The following RHPN1 variants were observed in gnomAD, a reference collection of about 807,000 sequenced individuals.
RHPN1 encodes the protein rhophilin-1.
RHPN1 carries 77 observed loss-of-function variants against 74.7 expected under a neutral mutation model. The observed-to-expected ratio is 1.03, with a 90% CI of 0.86 to 1.25. RHPN1 has a LOEUF of 1.25. Among genes scored for constraint, RHPN1 ranks in the 50% most tolerant of loss-of-function variants. The pLI, the probability that RHPN1 is intolerant of heterozygous loss-of-function variation, is 0.00. For missense variants in RHPN1, 987 were observed against 932.2 expected (o/e 1.06, Z -0.77); for synonymous variants, 444 against 414.5 (o/e 1.07, Z -0.87).
chr8:143,367,615 C>T (rs1176881358), upstream of RHPN1: 1 of 152,244 alleles, frequency 6.6e-6, no homozygotes, highest in Non-Finnish European at 1.5e-5. Flanking sequence ...GACCACGGAG[C>T]TTAGCCTTCA....
In RHPN1 at chr8:143,380,728, G is replaced by A. The variant is rs200651687; in HGVS notation, c.1356G>A (p.Ala452=). 2.4e-4 allele frequency: 378 copies of A among 1,595,526 alleles called. 1 individual carries two copies. The African/African-American group carries it at 4.3e-3, about 18-fold the overall frequency. Residue 452 remains alanine, a synonymous_variant, in exon 11 of 15, where the codon GCG becomes GCA. Transcript: ENST00000289013. The part of the protein sequence containing the change: ...QTLQRSLAKY[A]ELDREDDFCE... ...TGCAGCGCTCACTGGCCAAGTATGC[G>A]GAGCTCGACCGTGAGGATGACTTCT...
At chr8:143,370,813 G>A (rs766258560) in intron 1 of RHPN1, among the ~76,000 whole-genome samples, 1 of 152,234 alleles carries the variant, frequency 6.6e-6, no homozygotes, top group African/African-American at 2.4e-5. Context: ...AGGGGCTCCC[G>A]GGGGAGGACC....
intron 1 of RHPN1, among the ~76,000 whole-genome samples, chr8:143,369,495 A>G (rs1482286170): frequency 1.3e-5 from 2 of 152,184 alleles, no homozygotes; most frequent in South Asian, 2.1e-4. Context: ...CCTCCTGGGT[A>G]TGGGAAACCG....
upstream of RHPN1, chr8:143,368,344 A>G (rs1817608081): frequency 6.5e-6 from 1 of 153,426 alleles, no homozygotes; most frequent in Non-Finnish European, 1.5e-5. Context: ...GAAAGCAGGC[A>G]TTGTCGGAGG....
intron 1 of RHPN1, among the ~76,000 whole-genome samples, chr8:143,369,297 G>A (rs1201140673): frequency 3.9e-5 from 6 of 152,330 alleles, no homozygotes; most frequent in African/African-American, 1.2e-4. Context: ...AGCGGGTTGG[G>A]GGGACGCCCT....
chr8:143,369,136 C>T, intron 1 of RHPN1, 89 bp downstream of exon 1: 4 of 994,096 alleles, frequency 4.0e-6, no homozygotes, highest in Non-Finnish European at 5.5e-6. Context: ...GGGCGCCCCC[C>T]TCCTACGTCT....
Position 143,380,732 on chromosome 8 carries a change from C to T in RHPN1, c.1360C>T (p.Leu454Phe). The T allele has an allele frequency of 1.3e-6, 2 of 1,594,986 alleles. No homozygotes were observed. Among genetic ancestry groups the T allele is most frequent in the African/African-American group, 1.3e-5 (1 of 74,682 alleles). ...GCGCTCACTGGCCAAGTATGCGGAG[C>T]TCGACCGTGAGGATGACTTCTGTGA... ...LQRSLAKYAE[L>F]DREDDFCEAA... Residue 454 changes from leucine (L) to phenylalanine (F), a missense_variant, in exon 11 of 15, where the codon CTC becomes TTC. Transcript: ENST00000289013.
At chr8:143,366,661 C>T (rs947657088), upstream of RHPN1, 1 of 152,182 alleles carries the variant, frequency 6.6e-6, no homozygotes, top group East Asian at 1.9e-4. Context: ...TGAATATTTT[C>T]CTTCAGGAAA....
chr8:143,380,209 C>A, intron 10 of RHPN1, 34 bp downstream of exon 10: 1 of 1,406,774 alleles, frequency 7.1e-7, no homozygotes. Context: ...CCCTGGGGCT[C>A]AGATGGTCAC....
chr8:143,364,652 G>A (rs1413029116), upstream of RHPN1, among the ~76,000 whole-genome samples: 5 of 151,868 alleles, frequency 3.3e-5, no homozygotes, highest in Non-Finnish European at 1.5e-5. The surrounding 1 kb of genome is among the most constrained non-coding windows in gnomAD (Gnocchi z 4.5). Flanking sequence ...TCTGTTCTCT[G>A]GGGGTTTAGG....
At chr8:143,371,794 C>T (rs1347041801) in intron 1 of RHPN1, among the ~76,000 whole-genome samples, 1 of 152,174 alleles carries the variant, frequency 6.6e-6, no homozygotes, top group Non-Finnish European at 1.5e-5. Flanking sequence ...GCACCGTGGA[C>T]GTGGGGGTGG....
chr8:143,376,706 TGTGTGTGTGC>T (rs1479985915), intron 3 of RHPN1, 53 bp downstream of exon 3: 5 of 1,517,324 alleles, frequency 3.3e-6, no homozygotes, highest in Non-Finnish European at 3.6e-6. Context: ...CACGTGTGCG[TGTGTGTGTGC>T]ATGTGTGTGC....
chr8:143,370,834 C>T (rs1226819297), intron 1 of RHPN1, among the ~76,000 whole-genome samples: 1 of 152,244 alleles, frequency 6.6e-6, no homozygotes, highest in East Asian at 1.9e-4. Context: ...ACAAGGAATA[C>T]AGCCTGGCTG....
In RHPN1 at chr8:143,380,677, G is replaced by C. The variant is rs1818656374; in HGVS notation, c.1305G>C (p.Leu435=). 6.3e-7 allele frequency: 1 copy of C among 1,578,680 alleles called. No individual in the cohort carries two copies. The highest frequency in any genetic ancestry group is 2.3e-5 in the East Asian group (1 of 42,866). ...GCCGCGTCCTGCGCGAGGTGGACCT[G>C]CTTCGGGCTGTGATCTCCCAGACGC... ...ALCRVLREVD[L]LRAVISQTLQ... is the part of the protein sequence containing the mutation. The change falls in exon 11 of 15, where the codon CTG becomes CTC. Residue 435 remains leucine (L), a synonymous_variant. Coordinates refer to ENST00000289013, the MANE Select transcript of RHPN1 (RefSeq NM_052924.3).
At chr8:143,368,786 T>C (rs1817635212), upstream of RHPN1, 2 of 335,352 alleles carry the variant, frequency 6.0e-6, no homozygotes, top group African/African-American at 2.2e-5. Context: ...TATTGGGCAA[T>C]GGCCAGCTTC....
rs776324606 is a variant in RHPN1, at chr8:143,380,141, G to T, written c.1182G>T (p.Val394=). ...PPTSSKPRGP[V]LPQELEERRQ... is the part of the protein sequence containing the mutation. ...CCTCCTCTAAGCCCCGAGGCCCTGT[G>T]CTGCCGCAGGAGCTGGAGGAGCGCA... is the stretch of plus-strand genomic sequence containing the variant. Residue 394 remains valine (V), a synonymous_variant, in exon 10 of 15, where the codon GTG becomes GTT. Coordinates refer to ENST00000289013, the MANE Select transcript of RHPN1 (RefSeq NM_052924.3). The T allele has an allele frequency of 3.9e-6, 6 of 1,548,662 alleles. No individual in the cohort carries two copies. The South Asian group carries it at 7.1e-5, about 18-fold the overall frequency.
At position 143,382,955 on chromosome 8, in the gene RHPN1, C is replaced by A. The variant is rs912902877; in HGVS notation, c.*304C>A. 9.7e-6 allele frequency: 4 copies of A among 412,826 alleles called. No individual in the cohort carries two copies. Among genetic ancestry groups the A allele is most frequent in the African/African-American group, 8.1e-5 (4 of 49,600 alleles). The allele number at this position is 412,826 out of a possible 1,614,324, so 25.6% of individuals were successfully genotyped here. A position where few individuals can be genotyped will look rare whatever the true frequency, so the allele number is the denominator to read the frequency against. ...TCCTCACAGCCATCCCATCTGTACC[C>A]CCGGGCTCTGTCCACCCTGCTGCTG... On this transcript the variant is annotated 3_prime_UTR_variant, in exon 15 of 15. Coordinates refer to ENST00000289013, the MANE Select transcript of RHPN1 (RefSeq NM_052924.3).
intron 3 of RHPN1, among the ~76,000 whole-genome samples, 166 bp from the exon 4 acceptor site, chr8:143,377,213 TG>T (rs1366458590): frequency 3.3e-5 from 5 of 152,092 alleles, no homozygotes; most frequent in Admixed American, 6.5e-5. Flanking sequence ...TTTAGGACGG[TG>T]GGGGGTGGTG....
Position 143,382,512 on chromosome 8 carries a change from C to G in RHPN1, c.1874C>G (p.Ala625Gly). 6.2e-7 allele frequency: 1 copy of G among 1,609,346 alleles called. No individual in the cohort carries two copies. ...SQREHGCKTP[A>G]STWASPRPLL... Reference sequence around the variant, plus strand: ...AGGGAGCATGGTTGCAAGACCCCGGCATCCACGTGGGCCAGTCCCCGGCCC... The same window carrying G: ...AGGGAGCATGGTTGCAAGACCCCGGGATCCACGTGGGCCAGTCCCCGGCCC... Residue 625 changes from alanine to glycine, a missense_variant, in exon 15 of 15, where the codon GCA becomes GGA. Coordinates refer to ENST00000289013, the MANE Select transcript of RHPN1 (RefSeq NM_052924.3).
Sources: allele counts gnomAD v4.1 joint callset (sites outside exome capture counted in the v4.1 genomes callset), GRCh38; gene constraint gnomAD v4.1.1; non-coding constraint Gnocchi (gnomAD v3.1); transcripts MANE v1.5; gene names NCBI Gene and HGNC (gene_info 2026-07-23, HGNC 2026-07-21).